Variants in SCHIP1 observed in about 807,000 individuals in gnomAD.
The protein encoded by SCHIP1 is schwannomin-interacting protein 1.
A neutral mutation model predicts 29.7 loss-of-function variants in SCHIP1; 8 were observed. The ratio of observed to expected loss-of-function variants is 0.27; its 90% CI spans 0.16 to 0.49. The LOEUF (loss-of-function observed/expected upper bound fraction) is 0.49, where lower values mean the gene tolerates loss of function less well. SCHIP1 is among the 20% of genes least tolerant of loss of function. The probability of loss-of-function intolerance (pLI) is 0.99; values close to 1 mark genes in which losing one functional copy is unlikely to be tolerated. For synonymous variants in SCHIP1, 76 were observed against 94.9 expected (o/e 0.80, Z 1.16); for missense variants, 193 against 294.6 (o/e 0.66, Z 2.52).
chr3:159,890,371 A>G (rs1053584668), intron 5 of SCHIP1, among the ~76,000 whole-genome samples: 2 of 152,196 alleles, frequency 1.3e-5, no homozygotes, highest in Non-Finnish European at 2.9e-5. Context: ...AAACAATTCT[A>G]TGCATTAAGG....
In SCHIP1 at chr3:159,888,055, C is replaced by G. The variant is rs1407687765; in HGVS notation, c.465+150C>G. 5.3e-6 allele frequency: 6 copies of G among 1,126,870 alleles called. No individual in the cohort carries two copies. In the East Asian group the frequency reaches 1.6e-4, roughly 29 times the overall value. The allele number at this position is 1,126,870 out of a possible 1,614,324, so 69.8% of individuals were successfully genotyped here. A position where few individuals can be genotyped will look rare whatever the true frequency, so the allele number is the denominator to read the frequency against. On this transcript the variant is annotated intron_variant, in intron 4 of 6. Transcript: ENST00000445224. ...CATTGAGAAATGATTAAGTTTGTTTCTTTTTCCTTCCTACTGTAGGACTGA... is the reference window on the plus strand; with the variant it reads ...CATTGAGAAATGATTAAGTTTGTTTGTTTTTCCTTCCTACTGTAGGACTGA...
chr3:159,828,227 A>G, the SCHIP1 span, among the ~76,000 whole-genome samples: 1 of 151,542 alleles, frequency 6.6e-6, no homozygotes, highest in African/African-American at 2.4e-5. Flanking sequence ...CAGTAGCCCA[A>G]GGAAACACAC....
At chr3:159,354,783 G>A in the SCHIP1 span, among the ~76,000 whole-genome samples, 2 of 148,710 alleles carry the variant, frequency 1.3e-5, no homozygotes, top group African/African-American at 2.5e-5. Context: ...CTACTTATAA[G>A]AAAGAAACAT....
At chr3:159,693,453 T>C in the SCHIP1 span, among the ~76,000 whole-genome samples, 1 of 152,190 alleles carries the variant, frequency 6.6e-6, no homozygotes, top group East Asian at 1.9e-4. Context: ...ACCAAGTAGA[T>C]AAAGTTATCA....
chr3:159,458,589 A>G, the SCHIP1 span, among the ~76,000 whole-genome samples: 1 of 151,108 alleles, frequency 6.6e-6, no homozygotes, highest in Non-Finnish European at 1.5e-5. Context: ...AAAGGAGTTA[A>G]TGGTTTGGGC....
the SCHIP1 span, among the ~76,000 whole-genome samples, chr3:159,781,480 A>G: frequency 3.9e-5 from 6 of 152,240 alleles, no homozygotes; most frequent in Non-Finnish European, 8.8e-5. Context: ...CCAGCCAATA[A>G]GTTATATTTT....
the SCHIP1 span, among the ~76,000 whole-genome samples, chr3:159,614,032 T>C: frequency 6.6e-6 from 1 of 152,294 alleles, no homozygotes; most frequent in East Asian, 1.9e-4. Flanking sequence ...CCTTATGGGG[T>C]AGGTGCCATT....
chr3:159,665,674 C>T, the SCHIP1 span, among the ~76,000 whole-genome samples: 1 of 152,092 alleles, frequency 6.6e-6, no homozygotes, highest in African/African-American at 2.4e-5. Flanking sequence ...TCCCTTGCCA[C>T]TGACAGCCCA....
At chr3:159,885,616 G>C (rs1560096604) in intron 2 of SCHIP1, among the ~76,000 whole-genome samples, 2 of 152,172 alleles carry the variant, frequency 1.3e-5, no homozygotes, top group Admixed American at 1.3e-4. Context: ...CCTGGGTTTG[G>C]GGCTTCCTTA....
the SCHIP1 span, among the ~76,000 whole-genome samples, chr3:159,403,200 A>C: frequency 6.6e-6 from 1 of 152,206 alleles, no homozygotes; most frequent in Non-Finnish European, 1.5e-5. Flanking sequence ...AGGAGGGTGG[A>C]GTATTAAATA....
the SCHIP1 span, among the ~76,000 whole-genome samples, chr3:159,711,877 C>T: frequency 6.6e-6 from 1 of 152,128 alleles, no homozygotes; most frequent in East Asian, 1.9e-4. Context: ...AGTCAGAGGA[C>T]CGGAAATCAG....
intron 2 of SCHIP1, among the ~76,000 whole-genome samples, chr3:159,872,034 G>A (rs1715346824): frequency 6.6e-6 from 1 of 152,138 alleles, no homozygotes; most frequent in Non-Finnish European, 1.5e-5. Flanking sequence ...TGGGCACATG[G>A]TAGATTGAGG....
chr3:159,589,595 G>T, the SCHIP1 span, among the ~76,000 whole-genome samples: 3 of 152,080 alleles, frequency 2.0e-5, no homozygotes, highest in Admixed American at 1.3e-4. Flanking sequence ...ATTGGCTGTG[G>T]TATAATTTTA....
chr3:159,492,744 C>G, the SCHIP1 span, among the ~76,000 whole-genome samples: 2 of 152,178 alleles, frequency 1.3e-5, no homozygotes, highest in South Asian at 2.1e-4. Context: ...TCAGGAAATA[C>G]AGAGAATGCC....
chr3:159,509,369 G>C, the SCHIP1 span, among the ~76,000 whole-genome samples: 43 of 152,196 alleles, frequency 2.8e-4, no homozygotes, highest in Non-Finnish European at 5.1e-4. Context: ...GTCTCTGCAT[G>C]TGAGATAGGT....
the SCHIP1 span, among the ~76,000 whole-genome samples, chr3:159,783,685 G>A: frequency 1.4e-3 from 212 of 152,294 alleles, no homozygotes; most frequent in African/African-American, 5.0e-3. Context: ...GTGGGAAGAA[G>A]CTGTTTAAAT....
At chr3:159,382,858 T>C in the SCHIP1 span, among the ~76,000 whole-genome samples, 3 of 152,188 alleles carry the variant, frequency 2.0e-5, no homozygotes, top group Admixed American at 2.0e-4. Flanking sequence ...TGATGGCCAG[T>C]GATGGTGAGC....
At chr3:159,491,860 A>C in the SCHIP1 span, among the ~76,000 whole-genome samples, 1 of 152,230 alleles carries the variant, frequency 6.6e-6, no homozygotes, top group Admixed American at 6.5e-5. Flanking sequence ...AAGTAGGGGC[A>C]GACTGACACC....
At chr3:159,481,987 T>C in the SCHIP1 span, among the ~76,000 whole-genome samples, 22 of 151,992 alleles carry the variant, frequency 1.4e-4, no homozygotes, top group Non-Finnish European at 1.5e-5. Flanking sequence ...TTTTGGTCAA[T>C]TTGTGTGTTA....
Sources: gnomAD v4.1 joint callset for allele counts (sites outside exome capture counted in the v4.1 genomes callset) on GRCh38, gnomAD v4.1.1 for gene constraint, MANE v1.5 for transcripts, NCBI Gene and HGNC (gene_info 2026-07-23, HGNC 2026-07-21) for gene names.